ANKRD30BL: variants seen among roughly 807,000 people sequenced by gnomAD.
ANKRD30BL encodes the protein putative ankyrin repeat domain-containing protein 30B-like.
A neutral mutation model predicts 18.4 loss-of-function variants in ANKRD30BL; 20 were observed. That is an observed-to-expected ratio of 1.09 (90% CI 0.77 to 1.58). The LOEUF (loss-of-function observed/expected upper bound fraction) is 1.58. Among genes scored for constraint, ANKRD30BL ranks in the 40% most tolerant of loss-of-function variants. The pLI is 0.00. For synonymous variants in ANKRD30BL, 72 were observed against 100.9 expected, an observed-to-expected ratio of 0.71 and a Z score of 1.72; for missense variants, 224 against 268.6, an observed-to-expected ratio of 0.83 and a Z score of 1.16.
At chr2:132,220,996 G>A (rs952630381) in intron 1 of ANKRD30BL, among the ~76,000 whole-genome samples, 4 of 150,758 alleles carry the variant, frequency 2.7e-5, no homozygotes, top group African/African-American at 9.8e-5. Context: ...GAGAGGTGGG[G>A]AGCACCTCTG....
intron 1 of ANKRD30BL, among the ~76,000 whole-genome samples, chr2:132,200,377 T>A (rs1358469962): frequency 6.6e-6 from 1 of 152,150 alleles, no homozygotes; most frequent in East Asian, 1.9e-4. Flanking sequence ...GATGACATGA[T>A]TGTATGTCTA....
chr2:132,229,448 T>C (rs527892964), intron 1 of ANKRD30BL, among the ~76,000 whole-genome samples: 1 of 152,164 alleles, frequency 6.6e-6, no homozygotes, highest in Non-Finnish European at 1.5e-5. Flanking sequence ...AAAGGTAATA[T>C]CATCACATAA....
chr2:132,187,165 GTTTTTTGTTTTTTTTTTTGTTTGTTT>G (rs1258150564), intron 1 of ANKRD30BL, among the ~76,000 whole-genome samples: 4 of 122,282 alleles, frequency 3.3e-5, no homozygotes, highest in African/African-American at 9.8e-5. Flanking sequence ...ATCGTAGGAA[GTTTTTTGTTTTTTTTTTTGTTTGTTT>G]TTTTTTTTTT....
intron 1 of ANKRD30BL, among the ~76,000 whole-genome samples, chr2:132,186,409 A>G (rs1455294779): frequency 1.3e-5 from 2 of 152,208 alleles, no homozygotes; most frequent in East Asian, 1.9e-4. Context: ...TATGTTTACT[A>G]TATTCTAATA....
intron 1 of ANKRD30BL, among the ~76,000 whole-genome samples, chr2:132,171,080 C>G (rs12471332): frequency 3.3e-5 from 5 of 149,502 alleles, no homozygotes; most frequent in Non-Finnish European, 5.9e-5. Context: ...GGCGTGAACC[C>G]GGAGGCGGAG....
At chr2:132,158,101 G>A (rs573484440) in intron 1 of ANKRD30BL, among the ~76,000 whole-genome samples, 6 of 152,160 alleles carry the variant, frequency 3.9e-5, no homozygotes, top group East Asian at 1.9e-4. Context: ...ACAATTCACC[G>A]TGCCTTCCAT....
intron 1 of ANKRD30BL, among the ~76,000 whole-genome samples, chr2:132,241,149 A>G (rs139177680): frequency 7.6e-6 from 1 of 131,420 alleles, no homozygotes; most frequent in African/African-American, 2.8e-5. Flanking sequence ...TGAACTTAGA[A>G]GTCTATGGTG....
intron 1 of ANKRD30BL, among the ~76,000 whole-genome samples, chr2:132,237,172 G>T (rs957821301): frequency 6.6e-6 from 1 of 152,008 alleles, no homozygotes; most frequent in Non-Finnish European, 1.5e-5. Context: ...TATACCTAAT[G>T]CTAGAAGACG....
chr2:132,229,307 T>C (rs1309315804), intron 1 of ANKRD30BL, among the ~76,000 whole-genome samples: 3 of 152,136 alleles, frequency 2.0e-5, no homozygotes, highest in Non-Finnish European at 4.4e-5. Flanking sequence ...AAAGAAGAAT[T>C]CTGAGAAACT....
chr2:132,217,715 T>A (rs1679547835), intron 1 of ANKRD30BL, among the ~76,000 whole-genome samples: 1 of 152,298 alleles, frequency 6.6e-6, no homozygotes. Flanking sequence ...ACCCCCTTTT[T>A]GTAGAATCTG....
At chr2:132,204,665 A>G (rs1486174131) in intron 1 of ANKRD30BL, among the ~76,000 whole-genome samples, 1 of 152,098 alleles carries the variant, frequency 6.6e-6, no homozygotes, top group Non-Finnish European at 1.5e-5. Flanking sequence ...GGCAGAATAG[A>G]AAGGTAATTC....
chr2:132,153,210 C>T (rs1161130914), intron 4 of ANKRD30BL, among the ~76,000 whole-genome samples: 1 of 152,146 alleles, frequency 6.6e-6, no homozygotes. Context: ...GACTTAGGTT[C>T]AGATTCTTTT....
At chr2:132,232,612 A>G in intron 1 of ANKRD30BL, among the ~76,000 whole-genome samples, 1 of 152,164 alleles carries the variant, frequency 6.6e-6, no homozygotes, top group Non-Finnish European at 1.5e-5. Context: ...GAATGAAATG[A>G]AGCGAGAAGG....
intron 1 of ANKRD30BL, among the ~76,000 whole-genome samples, chr2:132,231,822 T>A (rs568694137): frequency 6.6e-6 from 1 of 152,338 alleles, no homozygotes; most frequent in South Asian, 2.1e-4. Flanking sequence ...AAGCTCGAAC[T>A]GGGTGGAGCC....
Position 132,172,042 on chromosome 2 carries a change from A to C in ANKRD30BL, n.442-14896T>G, listed in dbSNP as rs554248029. Among the ~76,000 whole-genome samples, 318 of 152,324 alleles carry C rather than the reference A, an allele frequency of 2.1e-3. 2 individuals carry two copies. Among genetic ancestry groups the C allele is most frequent in the African/African-American group, 7.2e-3 (300 of 41,568 alleles). On this transcript the variant is annotated intron_variant and non_coding_transcript_variant, in intron 1 of 4. Coordinates refer to the ANKRD30BL transcript ENST00000470729. ...TGTAGTCATTGAAATTCTGTAGTGT[A>C]TATTAGAATTTCATTCCTTAATAAG...
intron 1 of ANKRD30BL, among the ~76,000 whole-genome samples, chr2:132,208,295 A>G (rs1331785937): frequency 2.0e-5 from 3 of 152,146 alleles, no homozygotes; most frequent in African/African-American, 7.2e-5. Flanking sequence ...AGCCTCTAAC[A>G]GTTTTCCTTT....
At chr2:132,201,772 C>T (rs2104748077) in intron 1 of ANKRD30BL, among the ~76,000 whole-genome samples, 1 of 152,278 alleles carries the variant, frequency 6.6e-6, no homozygotes, top group South Asian at 2.1e-4. Context: ...TACCATTTGA[C>T]CCAGCCATCC....
intron 1 of ANKRD30BL, among the ~76,000 whole-genome samples, chr2:132,216,833 T>C (rs1023347807): frequency 1.3e-5 from 2 of 152,126 alleles, no homozygotes; most frequent in Non-Finnish European, 2.9e-5. Context: ...ACCTTTCTTT[T>C]GATAGAGCAG....
At chr2:132,256,890 G>T (rs796551915) in intron 1 of ANKRD30BL, 15 of 451,234 alleles carry the variant, frequency 3.3e-5, no homozygotes, top group African/African-American at 2.6e-4. Context: ...CGGGCAGGGT[G>T]GGGGGCACAG....
Sources: allele counts gnomAD v4.1 joint callset (sites outside exome capture counted in the v4.1 genomes callset), GRCh38; gene constraint gnomAD v4.1.1; transcripts MANE v1.5; gene names NCBI Gene and HGNC (gene_info 2026-07-23, HGNC 2026-07-21).